Variants in ADAMTS2 observed in about 807,000 individuals in gnomAD.
ADAMTS2 encodes the protein A disintegrin and metalloproteinase with thrombospondin motifs 2.
Under a neutral mutation model 123.0 loss-of-function variants are expected in ADAMTS2, and 50 were observed. That is an observed-to-expected ratio of 0.41 (90% confidence interval 0.32 to 0.51). The LOEUF (loss-of-function observed/expected upper bound fraction) is 0.51. ADAMTS2 is among the 20% of genes least tolerant of loss of function. ADAMTS2 has a pLI of 0.35. For missense variants in ADAMTS2, 1,494 were observed against 1,705.2 expected (o/e 0.88, Z 2.18); for synonymous variants, 678 against 695.4 (o/e 0.98, Z 0.39).
chr5:179,122,952 CT>C, intron 19 of ADAMTS2, 179 bp from the exon 20 acceptor site: 2 of 847,646 alleles, frequency 2.4e-6, no homozygotes, highest in South Asian at 3.2e-5. Flanking sequence ...CCCCAATCTC[CT>C]GGGGCTCTAA....
At chr5:179,217,760 A>AG (rs758372840) in intron 3 of ADAMTS2, among the ~76,000 whole-genome samples, 2,997 of 92,492 alleles carry the variant, frequency 0.032, 200 homozygotes, top group African/African-American at 0.14. Context: ...GGATGGTGTG[A>AG]GGGGGGATGG....
rs1762597155 is a variant in ADAMTS2, at chr5:179,113,079, A to C, written c.*788T>G. 2 of 152,616 alleles carry C rather than the reference A, an allele frequency of 1.3e-5. No homozygotes were observed. Among genetic ancestry groups the C allele is most frequent in the Non-Finnish European group, 1.5e-5 (1 of 68,358 alleles). 9.5% of individuals were successfully genotyped at this position (152,616 alleles called of 1,614,324 possible). On this transcript the variant is annotated 3_prime_UTR_variant, in exon 22 of 22. Coordinates refer to ENST00000251582, the MANE Select transcript of ADAMTS2 (RefSeq NM_014244.5). ...CAGCATGAGCACCAAGAAGGTCAGA[A>C]GGCCTTTAGTTCTTAATTAGCAAGA...
chr5:179,290,997 C>A (rs1756168996), intron 2 of ADAMTS2, among the ~76,000 whole-genome samples: 1 of 152,214 alleles, frequency 6.6e-6, no homozygotes, highest in African/African-American at 2.4e-5. Context: ...GTGCATGGGG[C>A]CACGGATGCC....
chr5:179,210,606 G>T (rs1764826350), intron 3 of ADAMTS2, among the ~76,000 whole-genome samples: 1 of 152,240 alleles, frequency 6.6e-6, no homozygotes, highest in Non-Finnish European at 1.5e-5. Flanking sequence ...GAAGACAGGG[G>T]CCTGGGCCAC....
chr5:179,241,282 G>A (rs994689001), intron 3 of ADAMTS2, among the ~76,000 whole-genome samples: 3 of 152,216 alleles, frequency 2.0e-5, no homozygotes, highest in South Asian at 2.1e-4. Flanking sequence ...CCTCGGGAAC[G>A]TTAGCTGTGT....
Position 179,284,378 on chromosome 5 carries a change from GATT to G in ADAMTS2, c.535-11317_535-11315del, listed in dbSNP as rs375683182. On this transcript the variant is annotated intron_variant, in intron 2 of 21. Transcript: ENST00000251582. ...AGACAACAAAAACAATAAATGGTCA[GATT>G]ATTATTATTATTATTTTGGAGACAG... 9.9e-5 allele frequency among the ~76,000 whole-genome samples: 15 copies of G among 151,940 alleles called. No individual in the cohort carries two copies. In the East Asian group the frequency reaches 1.2e-3, roughly 12 times the overall value.
rs570532768 is a variant in ADAMTS2 at position 179,344,501 on chromosome 5, C to T, written c.140-340G>A. Among the ~76,000 whole-genome samples, 61 of 152,360 alleles carry T rather than the reference C, an allele frequency of 4.0e-4. 1 individual carries two copies. In the East Asian group the frequency reaches 0.011, roughly 28 times the overall value. On this transcript the variant is annotated intron_variant, in intron 1 of 21. Transcript: ENST00000251582. Reference sequence around the variant, plus strand: ...GACCCCGTCAGAGAGTCCCCCGACCCTTGCACCTACCGTCCTTGGCAGGAC... The same window carrying T: ...GACCCCGTCAGAGAGTCCCCCGACCTTTGCACCTACCGTCCTTGGCAGGAC...
intron 2 of ADAMTS2, among the ~76,000 whole-genome samples, chr5:179,310,544 C>T (rs778158040): frequency 9.2e-5 from 14 of 152,248 alleles, no homozygotes; most frequent in South Asian, 4.2e-4. Flanking sequence ...GGCCACCCAC[C>T]GGTGCTAGAA....
In ADAMTS2 at chr5:179,137,782, G is replaced by A. The variant is rs867867813; in HGVS notation, c.1938C>T (p.His646=). 10 of 1,573,804 alleles carry A rather than the reference G, an allele frequency of 6.4e-6. No homozygotes were observed. Among genetic ancestry groups the A allele is most frequent in the South Asian group, 3.5e-5 (3 of 85,690 alleles). ...HGDAQHHWLP[H]EHRDAKERCH... Reference sequence around the variant, plus strand: ...AGAAGGGCTCACCATCCCGGTGCTCGTGGGGCAGCCAGTGGTGCTGGGCGT... The same window carrying A: ...AGAAGGGCTCACCATCCCGGTGCTCATGGGGCAGCCAGTGGTGCTGGGCGT... Residue 646 remains histidine (H), a synonymous_variant, in exon 12 of 22, where the codon CAC becomes CAT. Transcript: ENST00000251582.
At chr5:179,192,337 G>A (rs928419880) in intron 4 of ADAMTS2, among the ~76,000 whole-genome samples, 11 of 152,208 alleles carry the variant, frequency 7.2e-5, no homozygotes, top group Admixed American at 2.0e-4. Context: ...CCCTGAAAGC[G>A]CAGTCATGCA....
In ADAMTS2 at chr5:179,155,318, A is replaced by C. The variant is rs1420044495; in HGVS notation, c.1133-399T>G. On this transcript the variant is annotated intron_variant, in intron 6 of 21. Coordinates refer to ENST00000251582, the MANE Select transcript of ADAMTS2 (RefSeq NM_014244.5). This position sits in a 1 kb window ranked among gnomAD's most constrained non-coding sequence, Gnocchi z 5.1. ...GCCCCTGAGCAGCACCTGCTTCCAC[A>C]CCTCTCTCTGCTAGAGGCATCCTGC... 2.0e-5 allele frequency among the ~76,000 whole-genome samples: 3 copies of C among 151,450 alleles called. No homozygotes were observed. The highest frequency in any genetic ancestry group is 4.4e-5 in the Non-Finnish European group (3 of 67,842).
intron 13 of ADAMTS2, among the ~76,000 whole-genome samples, chr5:179,135,080 C>T (rs1581145067): frequency 1.4e-5 from 1 of 71,074 alleles, no homozygotes; most frequent in East Asian, 3.9e-4. Context: ...GTCCAGCTCC[C>T]GGCTCCAGCC....
chr5:179,277,390 CCCCCCGAGACCAAAGG>C (rs1766739302), intron 2 of ADAMTS2, among the ~76,000 whole-genome samples: 4 of 34,696 alleles, frequency 1.2e-4, no homozygotes, highest in Admixed American at 2.9e-4. Flanking sequence ...GGCTGACCCC[CCCCCCGAGACCAAAGG>C]CTGACCCCCC....
At chr5:179,286,878 CCT>C (rs941187100) in intron 2 of ADAMTS2, among the ~76,000 whole-genome samples, 1 of 152,286 alleles carries the variant, frequency 6.6e-6, no homozygotes, top group Non-Finnish European at 1.5e-5. Context: ...TGGCCGTCCC[CCT>C]GTGTGTACTT....
chr5:179,177,759 A>G (rs1178964736), intron 5 of ADAMTS2, among the ~76,000 whole-genome samples: 1 of 151,592 alleles, frequency 6.6e-6, no homozygotes, highest in Non-Finnish European at 1.5e-5. Context: ...GCAGTTAAGG[A>G]AAAAAAAAGA....
At chr5:179,268,080 A>T (rs1330725623) in intron 3 of ADAMTS2, among the ~76,000 whole-genome samples, 1 of 152,208 alleles carries the variant, frequency 6.6e-6, no homozygotes, top group Non-Finnish European at 1.5e-5. Flanking sequence ...TTTTAACATC[A>T]GGAAAGTTCA....
intron 3 of ADAMTS2, among the ~76,000 whole-genome samples, chr5:179,213,909 C>T (rs1764917060): frequency 6.6e-6 from 1 of 152,224 alleles, no homozygotes; most frequent in Non-Finnish European, 1.5e-5. Context: ...CACTGTAATA[C>T]ATTTATTCCA....
At chr5:179,300,059 C>T (rs28380667) in intron 2 of ADAMTS2, among the ~76,000 whole-genome samples, 13,661 of 145,888 alleles carry the variant, frequency 0.094, 816 homozygotes, top group East Asian at 0.23. Context: ...TATGCCACTG[C>T]ACTCCAGCCT....
chr5:179,300,738 A>G (rs1756491905), intron 2 of ADAMTS2, among the ~76,000 whole-genome samples: 1 of 152,222 alleles, frequency 6.6e-6, no homozygotes, highest in South Asian at 2.1e-4. Context: ...GTGCACACTC[A>G]AAAGTGCACT....
Sources: allele counts gnomAD v4.1 joint callset (sites outside exome capture counted in the v4.1 genomes callset), GRCh38; gene constraint gnomAD v4.1.1; non-coding constraint Gnocchi (gnomAD v3.1); transcripts MANE v1.5; gene names NCBI Gene and HGNC (gene_info 2026-07-23, HGNC 2026-07-21).